AGTPBP1: variants seen among roughly 807,000 people sequenced by gnomAD.
The protein encoded by AGTPBP1 is ATP/GTP binding carboxypeptidase 1.
In AGTPBP1, 70 loss-of-function variants were observed where a neutral mutation model predicts 143.9. The ratio of observed to expected loss-of-function variants is 0.49; its 90% CI spans 0.40 to 0.59. AGTPBP1 has a LOEUF of 0.59. Ranked by LOEUF, AGTPBP1 falls within the 20% of genes least tolerant of loss-of-function variation. The pLI is 0.00. For missense variants in AGTPBP1, 1,229 were observed against 1,464.5 expected, an observed-to-expected ratio of 0.84 and a Z score of 2.62; for synonymous variants, 463 against 500.2, an observed-to-expected ratio of 0.93 and a Z score of 0.99.
chr9:85,734,125 T>C (rs1307044078), intron 1 of AGTPBP1, among the ~76,000 whole-genome samples: 1 of 152,000 alleles, frequency 6.6e-6, no homozygotes, highest in African/African-American at 2.4e-5. Context: ...TGGTGGCGCG[T>C]GTCTGTAGTC....
At chr9:85,724,761 G>A (rs1838362233) in intron 1 of AGTPBP1, among the ~76,000 whole-genome samples, 1 of 152,056 alleles carries the variant, frequency 6.6e-6, no homozygotes, top group Non-Finnish European at 1.5e-5. Flanking sequence ...TGGAATTAAA[G>A]CTCCATGAGG....
intron 23 of AGTPBP1, among the ~76,000 whole-genome samples, chr9:85,582,103 C>T (rs1015519568): frequency 6.6e-6 from 1 of 152,090 alleles, no homozygotes; most frequent in Non-Finnish European, 1.5e-5. Flanking sequence ...GTTGCAAAAA[C>T]AGTACAAAGA....
the AGTPBP1 span, among the ~76,000 whole-genome samples, chr9:85,767,621 C>T: frequency 2.6e-5 from 4 of 152,110 alleles, no homozygotes; most frequent in African/African-American, 9.7e-5. Flanking sequence ...GCTGGGATTA[C>T]AGGCGTAAGC....
At chr9:85,791,908 G>A in the AGTPBP1 span, among the ~76,000 whole-genome samples, 1 of 151,426 alleles carries the variant, frequency 6.6e-6, no homozygotes. Context: ...ACAAGAAATA[G>A]CAGTTTGTGG....
At chr9:85,783,590 A>G in the AGTPBP1 span, among the ~76,000 whole-genome samples, 1 of 152,140 alleles carries the variant, frequency 6.6e-6, no homozygotes, top group Non-Finnish European at 1.5e-5. Flanking sequence ...CTTAATAATC[A>G]GTATCCTAGT....
chr9:85,798,057 A>ATTTTT, the AGTPBP1 span, among the ~76,000 whole-genome samples: 619 of 135,584 alleles, frequency 4.6e-3, 3 homozygotes, highest in African/African-American at 0.016. Context: ...CACATCGGCT[A>ATTTTT]TTTTTTTTTT....
intron 8 of AGTPBP1, among the ~76,000 whole-genome samples, chr9:85,663,120 A>G (rs1159632388): frequency 6.6e-6 from 1 of 152,164 alleles, no homozygotes; most frequent in Non-Finnish European, 1.5e-5. Flanking sequence ...CAGGCAGACC[A>G]AGTCGGTTAG....
At chr9:85,740,681 C>T (rs1350850924) in intron 1 of AGTPBP1, among the ~76,000 whole-genome samples, 1 of 152,070 alleles carries the variant, frequency 6.6e-6, no homozygotes, top group African/African-American at 2.4e-5. Flanking sequence ...TTACATAAAG[C>T]TTAAAAAACG....
intron 8 of AGTPBP1, among the ~76,000 whole-genome samples, chr9:85,665,233 G>A (rs547067647): frequency 1.0e-3 from 153 of 152,296 alleles, no homozygotes; most frequent in African/African-American, 3.6e-3. Context: ...TATAAGGAGA[G>A]AGAAGACAAT....
the AGTPBP1 span, among the ~76,000 whole-genome samples, chr9:85,805,188 C>G: frequency 6.6e-6 from 1 of 152,302 alleles, no homozygotes; most frequent in East Asian, 1.9e-4. Context: ...CTCACGTCAC[C>G]GGCGAACCTC....
At chr9:85,574,073 C>A (rs1343435754) in intron 25 of AGTPBP1, among the ~76,000 whole-genome samples, 1 of 152,082 alleles carries the variant, frequency 6.6e-6, no homozygotes, top group Non-Finnish European at 1.5e-5. Context: ...ATGGTTGCTG[C>A]GTCTGTGTAG....
At chr9:85,613,018 T>G (rs915670791) in intron 17 of AGTPBP1, among the ~76,000 whole-genome samples, 1 of 152,024 alleles carries the variant, frequency 6.6e-6, no homozygotes, top group Admixed American at 6.6e-5. Flanking sequence ...AAATCATAAA[T>G]TCCACATCAG....
chr9:85,677,703 C>T, intron 5 of AGTPBP1, 121 bp from the exon 6 acceptor site: 1 of 842,688 alleles, frequency 1.2e-6, no homozygotes, highest in South Asian at 2.2e-5. Flanking sequence ...CTGATGACCT[C>T]TAAAATCAAA....
chr9:85,715,880 G>A (rs1837672430), intron 1 of AGTPBP1, among the ~76,000 whole-genome samples: 1 of 152,192 alleles, frequency 6.6e-6, no homozygotes, highest in Admixed American at 6.5e-5. Flanking sequence ...ATGAAAAAAA[G>A]TGATAAAAAC....
chr9:85,698,760 T>C (rs2134340172), intron 2 of AGTPBP1, among the ~76,000 whole-genome samples: 1 of 142,798 alleles, frequency 7.0e-6, no homozygotes, highest in Non-Finnish European at 1.5e-5. Context: ...TGGCGCGATC[T>C]TGGCTCACTG....
intron 2 of AGTPBP1, among the ~76,000 whole-genome samples, chr9:85,704,540 T>G (rs1437019575): frequency 6.6e-6 from 1 of 152,206 alleles, no homozygotes; most frequent in Non-Finnish European, 1.5e-5. Flanking sequence ...AGGAATAATT[T>G]AGTCAGATAG....
chr9:85,764,769 C>T, the AGTPBP1 span: 1 of 1,307,172 alleles, frequency 7.7e-7, no homozygotes, highest in Non-Finnish European at 1.1e-6. Flanking sequence ...CAAGACTTCT[C>T]TGAAAAGAAT....
chr9:85,666,364 C>T (rs1342245928), intron 8 of AGTPBP1, among the ~76,000 whole-genome samples: 1 of 152,080 alleles, frequency 6.6e-6, no homozygotes, highest in Non-Finnish European at 1.5e-5. Context: ...ATCGTCTTCC[C>T]ATTAAATGTG....
rs1249315445 is a variant in AGTPBP1 at position 85,741,797 on chromosome 9, G to T, written c.-56C>A. ...CACCGGCTCAGGATGGGGCGCTGGC[G>T]GGGACCGCGCAGAGCCGCAGCACCC... On this transcript the variant is annotated 5_prime_UTR_variant, in exon 1 of 26. Transcript: ENST00000357081. 3 of 1,359,624 alleles carry T rather than the reference G, an allele frequency of 2.2e-6. No individual in the cohort carries two copies. The highest frequency in any genetic ancestry group is 2.8e-6 in the Non-Finnish European group (3 of 1,058,302). 84.2% of individuals were successfully genotyped at this position (1,359,624 alleles called of 1,614,324 possible).
Sources: gnomAD v4.1 joint callset for allele counts (sites outside exome capture counted in the v4.1 genomes callset) on GRCh38, gnomAD v4.1.1 for gene constraint, MANE v1.5 for transcripts, NCBI Gene and HGNC (gene_info 2026-07-23, HGNC 2026-07-21) for gene names.